MAN1B1: variants seen among roughly 807,000 people sequenced by gnomAD.
The protein encoded by MAN1B1 is endoplasmic reticulum mannosyl-oligosaccharide 1,2-alpha-mannosidase.
Under a neutral mutation model 75.5 loss-of-function variants are expected in MAN1B1, and 66 were observed. The observed-to-expected ratio is 0.87, with a 90% CI of 0.72 to 1.07. The LOEUF (loss-of-function observed/expected upper bound fraction) is 1.07. Ranked by LOEUF, MAN1B1 falls within the 50% of genes least tolerant of loss-of-function variation. The probability of loss-of-function intolerance (pLI) is 0.00; values close to 1 mark genes in which losing one functional copy is unlikely to be tolerated. For missense variants in MAN1B1, 973 were observed against 912.5 expected (o/e 1.07, Z -0.85); for synonymous variants, 453 against 382.8 (o/e 1.18, Z -2.14).
At chr9:137,104,042 C>A (rs1005888685) in intron 8 of MAN1B1, 10 of 457,184 alleles carry the variant, frequency 2.2e-5, no homozygotes, top group Non-Finnish European at 4.4e-5. Flanking sequence ...AGTGGTGTTA[C>A]ACACATTCAT....
intron 8 of MAN1B1, chr9:137,101,996 G>A (rs762306342): frequency 3.2e-5 from 17 of 525,710 alleles, no homozygotes; most frequent in East Asian, 9.6e-5. Context: ...AGTACAGGTC[G>A]GTGGTGTTAC....
chr9:137,096,547 G>A lies in MAN1B1; in HGVS notation c.620+156G>A, dbSNP rs187221480. Among the ~76,000 whole-genome samples, 458 of 152,350 alleles carry A rather than the reference G, an allele frequency of 3.0e-3. 2 individuals are homozygous for A. The highest frequency in any genetic ancestry group is 0.013 in the South Asian group (61 of 4,826). On this transcript the variant is annotated intron_variant, in intron 4 of 12. Coordinates refer to ENST00000371589, the MANE Select transcript of MAN1B1 (RefSeq NM_016219.5). ...CTCATTAACCTTAGATTACAGAATC[G>A]AATTTTTAAAACTGGAGGTCAGAGC...
At position 137,099,699 on chromosome 9, in the gene MAN1B1, A is replaced by C; in HGVS notation, c.734A>C (p.His245Pro). 6.2e-7 allele frequency: 1 copy of C among 1,614,176 alleles called. No homozygotes were observed. Among genetic ancestry groups the C allele is most frequent in the Non-Finnish European group, 8.5e-7 (1 of 1,180,024 alleles). Residue 245 changes from histidine (H) to proline (P), a missense_variant, in exon 6 of 13, where the codon CAT (histidine) becomes CCT (proline). Transcript: ENST00000371589. ...TGTGCTCTCTCCCCCCTACTAGTGC[A>C]TCTGAACTATCGCCAGAAGGGCGTG... ...PPARTQGTPV[H>P]LNYRQKGVID...
At chr9:137,089,138 G>C (rs1248559964) in intron 3 of MAN1B1, 133 bp downstream of exon 3, 1 of 1,158,864 alleles carries the variant, frequency 8.6e-7, no homozygotes, top group Non-Finnish European at 1.3e-6. Flanking sequence ...GTTTTGGACT[G>C]GTCGGATAAT....
At chr9:137,094,280 G>A (rs1830596646) in intron 3 of MAN1B1, 1 of 233,226 alleles carries the variant, frequency 4.3e-6, no homozygotes, top group Non-Finnish European at 9.2e-6. Flanking sequence ...CTCCCAAAGT[G>A]CTAGGATTAC....
chr9:137,101,386 C>T (rs149689760), intron 7 of MAN1B1, 98 bp from the exon 8 acceptor site: 2 of 1,259,792 alleles, frequency 1.6e-6, no homozygotes, highest in Admixed American at 1.7e-5. Context: ...GTGTTGACCC[C>T]AGAGAGCCTT....
rs780022683 is a variant in MAN1B1 at position 137,099,854 on chromosome 9, A to G, written c.889A>G (p.Thr297Ala). Reference sequence around the variant, plus strand: ...TCTCACACTGATCGACGCGCTGGACACCATGTGGATCTTGGGTCTGAGGAA... The same window carrying G: ...TCTCACACTGATCGACGCGCTGGACGCCATGTGGATCTTGGGTCTGAGGAA... ...LGLTLIDALD[T>A]MWILGLRKEF... Residue 297 changes from threonine to alanine, a missense_variant, in exon 6 of 13, where the codon ACC becomes GCC. By Grantham distance (58) the Thr-to-Ala change is moderately conservative. Transcript: ENST00000371589. 1 of 1,614,062 alleles carries G rather than the reference A, an allele frequency of 6.2e-7. No individual in the cohort carries two copies. The highest frequency in any genetic ancestry group is 1.3e-5 in the African/African-American group (1 of 74,934).
rs367593676 is a variant in MAN1B1 at position 137,101,101 on chromosome 9, G to C, written c.1013G>C (p.Gly338Ala). The C allele has an allele frequency of 1.5e-5, 24 of 1,613,966 alleles. No individual in the cohort carries two copies. The African/African-American group carries it at 1.6e-4, about 11-fold the overall frequency. The change falls in exon 7 of 13, where the codon GGG (glycine) becomes GCG (alanine). Residue 338 changes from glycine to alanine, a missense_variant. Coordinates refer to ENST00000371589, the MANE Select transcript of MAN1B1 (RefSeq NM_016219.5). ...LFESTIRILG[G>A]LLSAYHLSGD... ...GAGAGCACGATCCGCATCCTGGGGG[G>C]GCTCCTGAGTGCCTACCACCTGTCT... is the stretch of plus-strand genomic sequence containing the variant.
At chr9:137,107,791 C>CTGCGGCA in intron 12 of MAN1B1, 129 bp downstream of exon 12, 1 of 1,404,694 alleles carries the variant, frequency 7.1e-7, no homozygotes, top group South Asian at 1.2e-5. Flanking sequence ...GGGCTTGCCG[C>CTGCGGCA]AGCCTCGGGG....
rs755182273 is a variant in MAN1B1, at chr9:137,107,602, G to A, written c.1836G>A (p.Gly612=). Reference sequence around the variant, plus strand: ...TGTTCTACCTGTACCGCGTCACAGGGGACCGCAAATACCAGGACTGGGGCT... The same window carrying A: ...TGTTCTACCTGTACCGCGTCACAGGAGACCGCAAATACCAGGACTGGGGCT... ...ESLFYLYRVT[G]DRKYQDWGWE... The change falls in exon 12 of 13, where the codon GGG becomes GGA. Residue 612 remains glycine, a synonymous_variant. Transcript: ENST00000371589. The A allele has an allele frequency of 6.2e-7, 1 of 1,611,822 alleles. No homozygotes were observed. Among genetic ancestry groups the A allele is most frequent in the South Asian group, 1.1e-5 (1 of 91,088 alleles).
intron 6 of MAN1B1, among the ~76,000 whole-genome samples, chr9:137,100,335 C>T (rs951394284): frequency 2.0e-5 from 3 of 152,210 alleles, no homozygotes; most frequent in Admixed American, 6.5e-5. Context: ...CACCAGTAAA[C>T]GACGTGTGTA....
rs1448798758 is a variant in MAN1B1, at chr9:137,099,791, C to T, written c.826C>T (p.Pro276Ser). ...TGCATGGGGCCATGACGAGCTGAAG[C>T]CTGTGTCCAGGTCCTTCAGTGAGTG... ...KFAWGHDELK[P>S]VSRSFSEWFG... The change falls in exon 6 of 13, where the codon CCT (proline) becomes TCT (serine). Residue 276 changes from proline to serine, a missense_variant. By Grantham distance (74) the Pro-to-Ser change is moderately conservative. Coordinates refer to ENST00000371589, the MANE Select transcript of MAN1B1 (RefSeq NM_016219.5). The T allele has an allele frequency of 1.2e-6, 2 of 1,614,232 alleles. No individual in the cohort carries two copies. Among genetic ancestry groups the T allele is most frequent in the Middle Eastern group, 1.7e-4 (1 of 6,060 alleles).
intron 3 of MAN1B1, among the ~76,000 whole-genome samples, chr9:137,091,521 A>ATTTTT (rs964752016): frequency 4.4e-5 from 4 of 89,924 alleles, no homozygotes; most frequent in Non-Finnish European, 6.8e-5. Context: ...TTTGTTTTAT[A>ATTTTT]TTTTTTTTTT....
At chr9:137,095,408 T>C (rs1360956585) in intron 3 of MAN1B1, among the ~76,000 whole-genome samples, 1 of 151,542 alleles carries the variant, frequency 6.6e-6, no homozygotes, top group Non-Finnish European at 1.5e-5. Flanking sequence ...TAAATATCCA[T>C]CAGTAAAGAA....
intron 3 of MAN1B1, among the ~76,000 whole-genome samples, chr9:137,092,698 C>A (rs1363688038): frequency 6.6e-6 from 1 of 152,192 alleles, no homozygotes; most frequent in Non-Finnish European, 1.5e-5. Flanking sequence ...ATTTGCTTCC[C>A]CTGCTACGGT....
chr9:137,106,550 G>A lies in MAN1B1; in HGVS notation c.1446-139G>A. 5 of 1,374,442 alleles carry A rather than the reference G, an allele frequency of 3.6e-6. No individual in the cohort carries two copies. The East Asian group carries it at 9.2e-5, about 25-fold the overall frequency. 85.1% of individuals were successfully genotyped at this position (1,374,442 alleles called of 1,614,324 possible). On this transcript the variant is annotated intron_variant, in intron 9 of 12. Transcript: ENST00000371589. ...GGGGCATCTTCACTGAGGGCCATGG[G>A]CTGTGCAGGGTGGCACCTTCTGTCC...
chr9:137,107,878 G>A (rs1452812145), intron 12 of MAN1B1: 1 of 677,640 alleles, frequency 1.5e-6, no homozygotes, highest in African/African-American at 1.8e-5. Flanking sequence ...AGAGTACTTG[G>A]AGGGGCTGGG....
chr9:137,099,815 T>G lies in MAN1B1; in HGVS notation c.850T>G (p.Trp284Gly). 6.2e-7 allele frequency: 1 copy of G among 1,614,156 alleles called. No homozygotes were observed. Among genetic ancestry groups the G allele is most frequent in the Non-Finnish European group, 8.5e-7 (1 of 1,180,034 alleles). Reference protein sequence around the residue: ...LKPVSRSFSEWFGLGLTLIDA... With the variant: ...LKPVSRSFSEGFGLGLTLIDA... Reference sequence around the variant, plus strand: ...GCCTGTGTCCAGGTCCTTCAGTGAGTGGTTTGGCCTCGGTCTCACACTGAT... The same window carrying G: ...GCCTGTGTCCAGGTCCTTCAGTGAGGGGTTTGGCCTCGGTCTCACACTGAT... The change falls in exon 6 of 13, where the codon TGG becomes GGG. Residue 284 changes from tryptophan (W) to glycine (G), a missense_variant. Transcript: ENST00000371589.
chr9:137,100,490 G>A (rs1830779502), intron 6 of MAN1B1, among the ~76,000 whole-genome samples: 1 of 152,284 alleles, frequency 6.6e-6, no homozygotes, highest in African/African-American at 2.4e-5. Context: ...GCAGGGGAAC[G>A]ATAACGCCCC....
Sources: gnomAD v4.1 joint callset for allele counts (sites outside exome capture counted in the v4.1 genomes callset) on GRCh38, gnomAD v4.1.1 for gene constraint, MANE v1.5 for transcripts, NCBI Gene and HGNC (gene_info 2026-07-23, HGNC 2026-07-21) for gene names.